ATP8B1: variants seen among roughly 807,000 people sequenced by gnomAD.
ATP8B1 encodes ATPase phospholipid transporting 8B1, also known as phospholipid-transporting ATPase IC.
Under a neutral mutation model 149.9 loss-of-function variants are expected in ATP8B1, and 80 were observed. That is an observed-to-expected ratio of 0.53 (90% CI 0.45 to 0.64). ATP8B1 has a LOEUF of 0.64. Ranked by LOEUF, ATP8B1 falls within the 30% of genes least tolerant of loss-of-function variation. The probability of loss-of-function intolerance (pLI) is 0.00; values close to 1 mark genes in which losing one functional copy is unlikely to be tolerated. For synonymous variants in ATP8B1, 536 were observed against 562.8 expected, an observed-to-expected ratio of 0.95 and a Z score of 0.67; for missense variants, 1,247 against 1,552.6, an observed-to-expected ratio of 0.80 and a Z score of 3.31.
At chr18:57,728,294 T>C (rs1453361130) in intron 2 of ATP8B1, among the ~76,000 whole-genome samples, 1 of 152,198 alleles carries the variant, frequency 6.6e-6, no homozygotes, top group Admixed American at 6.5e-5. Context: ...CATGTTCTGA[T>C]GTCTTAAAGA....
chr18:57,694,787 T>C (rs1378913204), intron 10 of ATP8B1, 117 bp from the exon 11 acceptor site: 2 of 801,970 alleles, frequency 2.5e-6, no homozygotes, highest in Non-Finnish European at 4.2e-6. Context: ...CCCAGCAGTT[T>C]TGGAGGCTGA....
At position 57,668,184 on chromosome 18, in the gene ATP8B1, A is replaced by G. The variant is rs546722421; in HGVS notation, c.2209+245T>C. On this transcript the variant is annotated intron_variant, in intron 19 of 27. Transcript: ENST00000648908. Reference sequence around the variant, plus strand: ...TCTGGCTGGAGAGATAAGACCAATTATAATCAGCAAGACATGGCCAGGAGC... The same window carrying G: ...TCTGGCTGGAGAGATAAGACCAATTGTAATCAGCAAGACATGGCCAGGAGC... 7 of 1,422,362 alleles carry G rather than the reference A, an allele frequency of 4.9e-6. No homozygotes were observed. The East Asian group carries it at 2.2e-4, about 45-fold the overall frequency. 88.1% of individuals were successfully genotyped at this position (1,422,362 alleles called of 1,614,324 possible).
chr18:57,776,626 T>C (rs572569314), intron 1 of ATP8B1, among the ~76,000 whole-genome samples: 1 of 151,526 alleles, frequency 6.6e-6, no homozygotes, highest in South Asian at 2.1e-4. Context: ...TTCTCAGGAC[T>C]CATTTCCTGT....
intron 22 of ATP8B1, among the ~76,000 whole-genome samples, chr18:57,658,800 G>C (rs1432240716): frequency 6.6e-6 from 1 of 152,032 alleles, no homozygotes; most frequent in Admixed American, 6.6e-5. Context: ...CACGTAGCTG[G>C]GACTACCGGT....
chr18:57,796,237 C>T (rs929804695), intron 1 of ATP8B1, among the ~76,000 whole-genome samples: 1 of 152,150 alleles, frequency 6.6e-6, no homozygotes, highest in Admixed American at 6.5e-5. Context: ...TCATAAGGAA[C>T]CTCTCCTCCT....
chr18:57,798,077 G>A (rs1243618792), intron 1 of ATP8B1, among the ~76,000 whole-genome samples: 4 of 152,110 alleles, frequency 2.6e-5, no homozygotes, highest in Non-Finnish European at 4.4e-5. Context: ...CCATGAAGCA[G>A]AGAGGTAATT....
chr18:57,661,485 G>A (rs1229127777), intron 21 of ATP8B1, 23 bp from the exon 22 acceptor site: 1 of 1,610,400 alleles, frequency 6.2e-7, no homozygotes, highest in Non-Finnish European at 8.5e-7. Flanking sequence ...AGAGGGAAAA[G>A]GTTACATTCA....
At chr18:57,790,249 C>A (rs1212674153) in intron 1 of ATP8B1, among the ~76,000 whole-genome samples, 2 of 152,038 alleles carry the variant, frequency 1.3e-5, no homozygotes, top group African/African-American at 4.8e-5. Context: ...CTCTCATGGA[C>A]ACTGCAGCAG....
In ATP8B1 at chr18:57,661,154, G is replaced by GC; in HGVS notation, c.2707+19dup. On this transcript the variant is annotated intron_variant, in intron 22 of 27. Coordinates refer to ENST00000648908, the MANE Select transcript of ATP8B1 (RefSeq NM_001374385.1). ...CTCTCTAGCACGTTGGGCCTCACTGGCCGTGGGTGCATGACTCACTTTTGA... is the reference window on the plus strand; with the variant it reads ...CTCTCTAGCACGTTGGGCCTCACTGGCCCGTGGGTGCATGACTCACTTTTGA... 6 of 1,611,926 alleles carry GC rather than the reference G, an allele frequency of 3.7e-6. No homozygotes were observed. Among genetic ancestry groups the GC allele is most frequent in the Non-Finnish European group, 5.1e-6 (6 of 1,179,980 alleles).
intron 1 of ATP8B1, among the ~76,000 whole-genome samples, chr18:57,793,904 G>T (rs2080486464): frequency 6.6e-6 from 1 of 152,150 alleles, no homozygotes; most frequent in Admixed American, 6.6e-5. Flanking sequence ...ACAGCCTAAG[G>T]TTCTCAAATT....
chr18:57,725,250 A>AT (rs1186841583), intron 2 of ATP8B1, among the ~76,000 whole-genome samples: 114 of 52,898 alleles, frequency 2.2e-3, no homozygotes, highest in African/African-American at 4.7e-3. Flanking sequence ...TTAAAGTATA[A>AT]TAAAAAAAAA....
At chr18:57,674,381 A>G (rs1194367027) in intron 16 of ATP8B1, among the ~76,000 whole-genome samples, 3 of 88,868 alleles carry the variant, frequency 3.4e-5, no homozygotes, top group Admixed American at 1.8e-4. Flanking sequence ...AAACAATACC[A>G]GTTTCTTTTT....
chr18:57,721,547 C>G (rs2079646687), intron 2 of ATP8B1, among the ~76,000 whole-genome samples: 1 of 152,124 alleles, frequency 6.6e-6, no homozygotes, highest in South Asian at 2.1e-4. Flanking sequence ...GAAGAGCTAA[C>G]TCTCCTAAAT....
intron 2 of ATP8B1, among the ~76,000 whole-genome samples, chr18:57,716,309 C>A (rs1258654656): frequency 6.6e-6 from 1 of 151,780 alleles, no homozygotes; most frequent in Non-Finnish European, 1.5e-5. Flanking sequence ...CACAAAGCCA[C>A]CGGAAAACAT....
At position 57,771,674 on chromosome 18, in the gene ATP8B1, A is replaced by G. The variant is rs1000034562; in HGVS notation, c.-26+31324T>C. Reference sequence around the variant, plus strand: ...GGGTGGTGCCTCAGGTCTAAATTTTACTGTAATCCTACAGGTTAGAAATCA... The same window carrying G: ...GGGTGGTGCCTCAGGTCTAAATTTTGCTGTAATCCTACAGGTTAGAAATCA... On this transcript the variant is annotated intron_variant, in intron 1 of 27. Transcript: ENST00000648908. 1.6e-4 allele frequency among the ~76,000 whole-genome samples: 24 copies of G among 152,260 alleles called. No homozygotes were observed. The East Asian group carries it at 4.4e-3, about 28-fold the overall frequency.
intron 1 of ATP8B1, among the ~76,000 whole-genome samples, chr18:57,761,090 T>A (rs2080150051): frequency 7.3e-6 from 1 of 137,524 alleles, no homozygotes; most frequent in African/African-American, 2.7e-5. Context: ...TAAAATAAAA[T>A]AAAATAAAAA....
At chr18:57,742,122 G>A (rs932149591) in intron 1 of ATP8B1, among the ~76,000 whole-genome samples, 2 of 152,038 alleles carry the variant, frequency 1.3e-5, no homozygotes, top group African/African-American at 2.4e-5. Context: ...CACCCACCTC[G>A]GCCTCCCAAA....
chr18:57,737,463 C>G (rs2079868983), intron 1 of ATP8B1, among the ~76,000 whole-genome samples: 1 of 152,000 alleles, frequency 6.6e-6, no homozygotes. Flanking sequence ...TCACTACACT[C>G]TCAAATCTGA....
chr18:57,661,563 G>A, intron 21 of ATP8B1, 101 bp from the exon 22 acceptor site: 1 of 1,268,374 alleles, frequency 7.9e-7, no homozygotes, highest in Non-Finnish European at 1.1e-6. Flanking sequence ...TTTGGATTAT[G>A]TCACTGATTA....
Sources: gnomAD v4.1 joint callset for allele counts (sites outside exome capture counted in the v4.1 genomes callset) on GRCh38, gnomAD v4.1.1 for gene constraint, MANE v1.5 for transcripts, NCBI Gene and HGNC (gene_info 2026-07-23, HGNC 2026-07-21) for gene names.